ANKAR: variants seen among roughly 807,000 people sequenced by gnomAD.
ANKAR encodes ankyrin and armadillo repeat-containing protein.
ANKAR carries 136 observed loss-of-function variants against 146.2 expected under a neutral mutation model. The ratio of observed to expected loss-of-function variants is 0.93; its 90% CI spans 0.81 to 1.07. The LOEUF is 1.07. Ranked by LOEUF, ANKAR falls within the 50% of genes least tolerant of loss-of-function variation. ANKAR has a pLI of 0.00. For missense variants in ANKAR, 1,567 were observed against 1,679.9 expected (o/e 0.93, Z 1.18); for synonymous variants, 500 against 575.8 (o/e 0.87, Z 1.88).
intron 7 of ANKAR, among the ~76,000 whole-genome samples, chr2:189,699,834 T>G (rs1006666496): frequency 6.6e-6 from 1 of 152,018 alleles, no homozygotes; most frequent in Non-Finnish European, 1.5e-5. Context: ...ACCGTATATG[T>G]TTTGTATTTT....
chr2:189,728,306 C>G lies in ANKAR; in HGVS notation c.2917C>G (p.Leu973Val), dbSNP rs112951449. ...TGTTAAGGAACAAGGAGCTGTTGCACTTTGGGCCTTGGCAGGACAAACACT... is the reference window on the plus strand; with the variant it reads ...TGTTAAGGAACAAGGAGCTGTTGCAGTTTGGGCCTTGGCAGGACAAACACT... ...IDVKEQGAVA[L>V]WALAGQTLKQ... The change falls in exon 14 of 23, where the codon CTT (leucine) becomes GTT (valine). Residue 973 changes from leucine (L) to valine (V), a missense_variant. Transcript: ENST00000684021. 6.2e-7 allele frequency: 1 copy of G among 1,612,744 alleles called. No individual in the cohort carries two copies. Among genetic ancestry groups the G allele is most frequent in the Admixed American group, 1.7e-5 (1 of 59,832 alleles).
At chr2:189,676,114 C>T (rs1236913060) in intron 1 of ANKAR, 2 of 193,098 alleles carry the variant, frequency 1.0e-5, no homozygotes, top group East Asian at 2.7e-4. Context: ...AACAGACTAA[C>T]ACGAACATAT....
At chr2:189,747,993 G>A (rs1419570667), downstream of ANKAR, among the ~76,000 whole-genome samples, 2 of 151,996 alleles carry the variant, frequency 1.3e-5, no homozygotes, top group Non-Finnish European at 1.5e-5. Flanking sequence ...GCTTCACTGT[G>A]TACTTTAAAG....
intron 18 of ANKAR, among the ~76,000 whole-genome samples, chr2:189,760,064 C>G (rs151052089): frequency 1.3e-5 from 2 of 152,004 alleles, no homozygotes; most frequent in African/African-American, 4.8e-5. Context: ...TCAGAGAGCA[C>G]GGGGTTGGGG....
At position 189,699,786 on chromosome 2, in the gene ANKAR, C is replaced by CTGGGA. The variant is rs767396807; in HGVS notation, c.1708+3417_1708+3418insTGGGA. Among the ~76,000 whole-genome samples the CTGGGA allele has an allele frequency of 8.3e-3, 1,257 of 152,270 alleles. 12 individuals carry two copies. Among genetic ancestry groups the CTGGGA allele is most frequent in the Middle Eastern group, 0.037 (11 of 294 alleles). On this transcript the variant is annotated intron_variant, in intron 7 of 22. Coordinates refer to ENST00000684021, the MANE Select transcript of ANKAR (RefSeq NM_001378068.1). ...GGTTCAAGCGATTCTCCCACCTCAG[C>CTGGGA]CTCCCATGTAGCTGGGATTACAGAT...
chr2:189,745,018 C>CTAATAATAATAATAATAATAA (rs1480352634), intron 22 of ANKAR, among the ~76,000 whole-genome samples: 14 of 53,824 alleles, frequency 2.6e-4, no homozygotes, highest in African/African-American at 4.6e-4. Context: ...ACTACTACTA[C>CTAATAATAATAATAATAATAA]TACTACTACT....
downstream of ANKAR, chr2:189,761,450 G>C (rs2047057788): frequency 6.2e-7 from 1 of 1,609,234 alleles, no homozygotes; most frequent in Non-Finnish European, 8.5e-7. Flanking sequence ...GGAATGTATT[G>C]CTTCTCCCAA....
At chr2:189,759,455 T>C (rs2046643294) in intron 18 of ANKAR, among the ~76,000 whole-genome samples, 1 of 152,216 alleles carries the variant, frequency 6.6e-6, no homozygotes, top group East Asian at 1.9e-4. Context: ...TTTCACCATG[T>C]TAGCCAGGAT....
chr2:189,760,350 C>T (rs79419293), intron 18 of ANKAR, among the ~76,000 whole-genome samples: 12,212 of 152,206 alleles, frequency 0.08, 618 homozygotes, highest in East Asian at 0.13. Context: ...GAGGGGCCCC[C>T]ACCCCTAAGA....
At chr2:189,711,284 G>T in intron 10 of ANKAR, 131 bp downstream of exon 10, 1 of 603,434 alleles carries the variant, frequency 1.7e-6, no homozygotes, top group Non-Finnish European at 2.7e-6. Flanking sequence ...CTTTTGCTAA[G>T]ATCACTTCAT....
At position 189,738,629 on chromosome 2, in the gene ANKAR, C is replaced by T. The variant is rs761763638; in HGVS notation, c.3647C>T (p.Thr1216Ile). 8.7e-6 allele frequency: 14 copies of T among 1,612,568 alleles called. No homozygotes were observed. Among genetic ancestry groups the T allele is most frequent in the Non-Finnish European group, 1.1e-5 (13 of 1,179,138 alleles). Residue 1216 changes from threonine to isoleucine, a missense_variant, in exon 19 of 23, where the codon ACT (threonine) becomes ATT (isoleucine). Coordinates refer to ENST00000684021, the MANE Select transcript of ANKAR (RefSeq NM_001378068.1). ...ATTACTTTGTCTGCAAGAGGTGTTA[C>T]TATTTTAGTTGATAGTCTGTATTCA... is the stretch of plus-strand genomic sequence containing the variant. ...DHITLSARGV[T>I]ILVDSLYSVQ...
chr2:189,733,624 A>AT (rs1460970099), intron 17 of ANKAR, among the ~76,000 whole-genome samples: 1 of 151,878 alleles, frequency 6.6e-6, no homozygotes. Flanking sequence ...TGGAAGGATA[A>AT]TTTTTTTTAA....
chr2:189,740,016 A>C (rs951185951), intron 19 of ANKAR, among the ~76,000 whole-genome samples: 4 of 152,168 alleles, frequency 2.6e-5, no homozygotes, highest in Non-Finnish European at 5.9e-5. Flanking sequence ...ATCTCAGGCA[A>C]AGCTTGATAT....
intron 18 of ANKAR, among the ~76,000 whole-genome samples, chr2:189,756,621 C>T (rs1051627102): frequency 6.6e-6 from 1 of 152,150 alleles, no homozygotes; most frequent in Non-Finnish European, 1.5e-5. Flanking sequence ...TACTTTTTCT[C>T]TTATATTCCT....
At chr2:189,762,615 C>A, downstream of ANKAR, 1 of 985,440 alleles carries the variant, frequency 1.0e-6, no homozygotes, top group Non-Finnish European at 1.2e-6. Context: ...CGGCGACGGG[C>A]GCAAACTGGA....
rs1226922867 is a variant in ANKAR, at chr2:189,689,880, A to T, written c.955A>T (p.Ile319Leu). The change falls in exon 3 of 23, where the codon ATA becomes TTA. Residue 319 changes from isoleucine (I) to leucine (L), a missense_variant. Physicochemically the swap from Ile to Leu is conservative, Grantham distance 5 (BLOSUM62 2). Coordinates refer to ENST00000684021, the MANE Select transcript of ANKAR (RefSeq NM_001378068.1). ...IRRGIGYLKL[I>L]CFLIPFLLSL... ...AAGAGGGATAGGATACCTAAAGTTA[A>T]TATGTTTTCTGATTCCATTTCTACT... The T allele has an allele frequency of 5.0e-6, 8 of 1,585,726 alleles. No individual in the cohort carries two copies. Among genetic ancestry groups the T allele is most frequent in the Non-Finnish European group, 6.8e-6 (8 of 1,170,854 alleles).
intron 18 of ANKAR, among the ~76,000 whole-genome samples, chr2:189,759,223 C>T (rs1455921848): frequency 3.3e-5 from 5 of 151,820 alleles, no homozygotes; most frequent in African/African-American, 7.3e-5. Context: ...GCCACCCTCC[C>T]GTAATTCTAT....
At chr2:189,691,342 C>T (rs553598430) in intron 3 of ANKAR, among the ~76,000 whole-genome samples, 44 of 152,308 alleles carry the variant, frequency 2.9e-4, no homozygotes, top group African/African-American at 9.9e-4. Flanking sequence ...AGGCATGAGC[C>T]GCCGCGCCCG....
chr2:189,717,244 GA>G (rs1384609264), intron 10 of ANKAR, among the ~76,000 whole-genome samples: 3 of 151,766 alleles, frequency 2.0e-5, no homozygotes, highest in African/African-American at 7.3e-5. Context: ...AAATTTACAA[GA>G]AAAAAACAAC....
Sources: gnomAD v4.1 joint callset for allele counts (sites outside exome capture counted in the v4.1 genomes callset) on GRCh38, gnomAD v4.1.1 for gene constraint, MANE v1.5 for transcripts, NCBI Gene and HGNC (gene_info 2026-07-23, HGNC 2026-07-21) for gene names.